The following GRIK4 variants were observed in gnomAD, a reference collection of about 807,000 sequenced individuals.
GRIK4 encodes glutamate ionotropic receptor kainate type subunit 4, also known as glutamate receptor ionotropic, kainate 4.
In GRIK4, 40 loss-of-function variants were observed where a neutral mutation model predicts 104.9. The observed-to-expected ratio is 0.38, with a 90% CI of 0.30 to 0.50. The LOEUF is 0.50. GRIK4 is among the 20% of genes least tolerant of loss of function. GRIK4 has a pLI of 0.93. For missense variants in GRIK4, 1,047 were observed against 1,308.1 expected (o/e 0.80, Z 3.08); for synonymous variants, 485 against 524.9 (o/e 0.92, Z 1.04).
intron 1 of GRIK4, among the ~76,000 whole-genome samples, chr11:120,609,704 C>A (rs534525991): frequency 6.6e-6 from 1 of 151,588 alleles, no homozygotes; most frequent in Admixed American, 6.6e-5. Context: ...AGTACAGATG[C>A]GGTTTCACCA....
intron 3 of GRIK4, among the ~76,000 whole-genome samples, chr11:120,784,373 T>G (rs1294047039): frequency 2.0e-5 from 3 of 152,148 alleles, no homozygotes; most frequent in African/African-American, 7.2e-5. Flanking sequence ...ATCGAAGTAA[T>G]GGCCCTCCAG....
At chr11:120,537,526 G>T (rs1947989587) in intron 1 of GRIK4, among the ~76,000 whole-genome samples, 1 of 152,120 alleles carries the variant, frequency 6.6e-6, no homozygotes, top group Non-Finnish European at 1.5e-5. Flanking sequence ...CTACTGCCTG[G>T]GGGAGTCCTA....
rs190913684 is a variant in GRIK4 at position 120,740,054 on chromosome 11, C to T, written c.83-62639C>T. 1.4e-3 allele frequency among the ~76,000 whole-genome samples: 215 copies of T among 152,324 alleles called. 1 individual carries two copies. Among genetic ancestry groups the T allele is most frequent in the Admixed American group, 2.7e-3 (42 of 15,300 alleles). On this transcript the variant is annotated intron_variant, in intron 3 of 20. Transcript: ENST00000527524. The stretch of plus-strand genomic sequence containing the variant: ...ACACAGATGGCTGGTTTGCATTACA[C>T]GGAACAGCTTGGGATGTGGACTACA...
chr11:120,602,726 A>G (rs1053779311), intron 1 of GRIK4, among the ~76,000 whole-genome samples: 10 of 152,096 alleles, frequency 6.6e-5, no homozygotes, highest in Non-Finnish European at 4.4e-5. Context: ...CATTTGAAAC[A>G]GAGTCTCGCT....
At chr11:120,605,083 C>T (rs1438249719) in intron 1 of GRIK4, among the ~76,000 whole-genome samples, 1 of 152,184 alleles carries the variant, frequency 6.6e-6, no homozygotes, top group Non-Finnish European at 1.5e-5. Context: ...CAACCTCCCG[C>T]CTTGACCTCC....
chr11:120,779,451 A>G (rs138232502), intron 3 of GRIK4, among the ~76,000 whole-genome samples: 3 of 152,244 alleles, frequency 2.0e-5, no homozygotes, highest in Non-Finnish European at 2.9e-5. Flanking sequence ...TGGGCAAGGA[A>G]TCAGTTGACT....
At chr11:120,775,547 A>G (rs1034791596) in intron 3 of GRIK4, among the ~76,000 whole-genome samples, 1 of 152,266 alleles carries the variant, frequency 6.6e-6, no homozygotes, top group Admixed American at 6.5e-5. Context: ...AATGACAGGT[A>G]CTATTTGGAA....
chr11:120,985,961 A>G lies in GRIK4; in HGVS notation c.2572A>G (p.Ser858Gly). ...GCGCAGCATTATCCTGTGTCAGGAC[A>G]GTATCCACCCCCGCCGGCGGCGCGC... ...ELRSIILCQDSIHPRRRRAAV... is the reference protein window; with the variant it reads ...ELRSIILCQDGIHPRRRRAAV... The change falls in exon 21 of 21, where the codon AGT becomes GGT. Residue 858 changes from serine to glycine, a missense_variant. Around this residue, in one of 3 missense-constraint regions of GRIK4, gnomAD observed 440 missense variants for 652.3 expected, o/e 0.67. Transcript: ENST00000527524. 1 of 1,540,766 alleles carries G rather than the reference A, an allele frequency of 6.5e-7. No individual in the cohort carries two copies. The highest frequency in any genetic ancestry group is 8.7e-7 in the Non-Finnish European group (1 of 1,143,282).
At position 120,957,394 on chromosome 11, in the gene GRIK4, T is replaced by C. The variant is rs116849913; in HGVS notation, c.1874+441T>C. Among the ~76,000 whole-genome samples, 1,481 of 152,342 alleles carry C rather than the reference T, an allele frequency of 9.7e-3. 11 individuals carry two copies. Among genetic ancestry groups the C allele is most frequent in the Non-Finnish European group, 0.016 (1,082 of 68,024 alleles). The stretch of plus-strand genomic sequence containing the variant: ...CCTCTACCAGCCTTCTGAGGCTTTG[T>C]GTCTCTGCCTCTGGCTCTGGGGGCT... On this transcript the variant is annotated intron_variant, in intron 16 of 20. Coordinates refer to ENST00000527524, the MANE Select transcript of GRIK4 (RefSeq NM_014619.5).
chr11:120,537,675 G>C (rs2136085483), intron 1 of GRIK4, among the ~76,000 whole-genome samples: 1 of 152,340 alleles, frequency 6.6e-6, no homozygotes, highest in African/African-American at 2.4e-5. Context: ...ATGGTGCACT[G>C]TGGACGGGCA....
chr11:120,953,886 G>A lies in GRIK4; in HGVS notation c.1700+922G>A, dbSNP rs1565459832. ...TTACTGCAGTGGAGGCTCACAAAGG[G>A]CTGTTATGTGGGAGCAGAGAACTAC... On this transcript the variant is annotated intron_variant, in intron 15 of 20. Coordinates refer to ENST00000527524, the MANE Select transcript of GRIK4 (RefSeq NM_014619.5). This position sits in a 1 kb window ranked among gnomAD's most constrained non-coding sequence, Gnocchi z 4.9. 6.6e-6 allele frequency among the ~76,000 whole-genome samples: 1 copy of A among 152,208 alleles called. No individual in the cohort carries two copies. The highest frequency in any genetic ancestry group is 2.4e-5 in the African/African-American group (1 of 41,460).
chr11:120,576,165 A>G (rs1019771577), intron 1 of GRIK4, among the ~76,000 whole-genome samples: 1 of 152,198 alleles, frequency 6.6e-6, no homozygotes, highest in Non-Finnish European at 1.5e-5. Context: ...CATCTTCCCC[A>G]TGAAAGCCCA....
At chr11:120,754,642 A>G (rs1951621517) in intron 3 of GRIK4, among the ~76,000 whole-genome samples, 1 of 152,172 alleles carries the variant, frequency 6.6e-6, no homozygotes, top group Admixed American at 6.5e-5. Context: ...GTAAATCTAT[A>G]TTTTATCCTT....
At chr11:120,535,452 G>A (rs761201384) in intron 1 of GRIK4, among the ~76,000 whole-genome samples, 1 of 151,990 alleles carries the variant, frequency 6.6e-6, no homozygotes. Context: ...GGAGCAGGCC[G>A]GGACCCCCAC....
intron 20 of GRIK4, among the ~76,000 whole-genome samples, chr11:120,983,009 G>A (rs1944677681): frequency 1.3e-5 from 2 of 152,106 alleles, no homozygotes; most frequent in Non-Finnish European, 2.9e-5. Context: ...TGCATGCGTA[G>A]AGCTTCATTT....
chr11:120,721,080 C>A (rs1012093932), intron 3 of GRIK4, among the ~76,000 whole-genome samples: 1 of 152,092 alleles, frequency 6.6e-6, no homozygotes, highest in African/African-American at 2.4e-5. Flanking sequence ...GAAAGACATG[C>A]TTTTCTGGAG....
At chr11:120,803,972 G>A (rs1417362536) in intron 4 of GRIK4, among the ~76,000 whole-genome samples, 2 of 152,158 alleles carry the variant, frequency 1.3e-5, no homozygotes, top group Non-Finnish European at 2.9e-5. Context: ...GGCTGAGCTG[G>A]TTCTGGACCC....
Position 120,555,264 on chromosome 11 carries a change from G to A in GRIK4, c.-159+43377G>A, listed in dbSNP as rs1268486229. ...GTCCAAAAGCAAAACCCAGCAAGTG[G>A]CTTCCTGTTTATGCATTAGGTCTGG... On this transcript the variant is annotated intron_variant, in intron 1 of 20. Coordinates refer to ENST00000527524, the MANE Select transcript of GRIK4 (RefSeq NM_014619.5). This position sits in a 1 kb window ranked among gnomAD's most constrained non-coding sequence, Gnocchi z 5.3. Among the ~76,000 whole-genome samples the A allele has an allele frequency of 6.6e-6, 1 of 152,200 alleles. No individual in the cohort carries two copies. The highest frequency in any genetic ancestry group is 1.5e-5 in the Non-Finnish European group (1 of 68,030).
intron 3 of GRIK4, among the ~76,000 whole-genome samples, chr11:120,742,517 A>AT (rs1157051470): frequency 4.0e-3 from 260 of 65,810 alleles, no homozygotes; most frequent in African/African-American, 0.013. Context: ...TATTATTATT[A>AT]TTATTATTAT....
Sources: gnomAD v4.1 joint callset for allele counts (sites outside exome capture counted in the v4.1 genomes callset) on GRCh38, gnomAD v4.1.1 for gene constraint, gnomAD v4.1.1 regional missense constraint, Gnocchi (gnomAD v3.1) non-coding constraint, MANE v1.5 for transcripts, NCBI Gene and HGNC (gene_info 2026-07-23, HGNC 2026-07-21) for gene names.